Variants in PNPLA1 observed in about 807,000 individuals in gnomAD.
The protein encoded by PNPLA1 is omega-hydroxyceramide transacylase.
PNPLA1 carries 36 observed loss-of-function variants against 51.7 expected under a neutral mutation model. The observed-to-expected ratio is 0.70, with a 90% confidence interval of 0.53 to 0.92. The LOEUF (loss-of-function observed/expected upper bound fraction) is 0.92. Among genes scored for constraint, PNPLA1 ranks in the 40% least tolerant of loss-of-function variants. The pLI is 0.00. For missense variants in PNPLA1, 658 were observed against 682.5 expected, an observed-to-expected ratio of 0.96 and a Z score of 0.40; for synonymous variants, 293 against 280.1, an observed-to-expected ratio of 1.05 and a Z score of -0.46.
At chr6:36,309,051 G>C (rs899917583) in intron 8 of PNPLA1, among the ~76,000 whole-genome samples, 3 of 152,114 alleles carry the variant, frequency 2.0e-5, no homozygotes, top group Non-Finnish European at 2.9e-5. Context: ...CTTCCTGGTT[G>C]TTCTTGTCCC....
At chr6:36,307,775 A>G in intron 8 of PNPLA1, 63 bp downstream of exon 8, 1 of 1,592,816 alleles carries the variant, frequency 6.3e-7, no homozygotes, top group Non-Finnish European at 8.6e-7. Context: ...CTGTGTTCAG[A>G]GAGATTCCGA....
chr6:36,259,874 C>T (rs1171488829), intron 1 of PNPLA1, among the ~76,000 whole-genome samples: 1 of 152,104 alleles, frequency 6.6e-6, no homozygotes, highest in Non-Finnish European at 1.5e-5. Context: ...CTATTGAGTA[C>T]TATGCTTAGT....
Position 36,293,179 on chromosome 6 carries a change from C to G in PNPLA1, c.504+53C>G, listed in dbSNP as rs1214680508. The G allele has an allele frequency of 1.9e-6, 3 of 1,553,250 alleles. No homozygotes were observed. In the East Asian group the frequency reaches 6.7e-5, roughly 35 times the overall value. ...AGATGGGATCCAAGGGACCTCGGGT[C>G]CCTGTGACTCACACCTGGGGGAGCA... On this transcript the variant is annotated intron_variant, in intron 3 of 8. Coordinates refer to ENST00000636260, the MANE Select transcript of PNPLA1 (RefSeq NM_001374623.1).
At chr6:36,275,219 C>G (rs535977648) in intron 1 of PNPLA1, among the ~76,000 whole-genome samples, 4 of 152,228 alleles carry the variant, frequency 2.6e-5, no homozygotes, top group Admixed American at 1.3e-4. Flanking sequence ...GCTGGGACCA[C>G]AGGTGCATGC....
intron 6 of PNPLA1, among the ~76,000 whole-genome samples, chr6:36,305,662 GA>G (rs370038901): frequency 1.2e-4 from 18 of 151,588 alleles, no homozygotes; most frequent in Middle Eastern, 6.9e-3. Context: ...GCATGTGATG[GA>G]AAGTCCAGGC....
intron 5 of PNPLA1, among the ~76,000 whole-genome samples, chr6:36,300,178 T>TGTGAGAGA: frequency 3.1e-4 from 30 of 98,136 alleles, no homozygotes; most frequent in African/African-American, 9.3e-4. Flanking sequence ...TGTGTGTGTG[T>TGTGAGAGA]GAGAGAGAGA....
upstream of PNPLA1, among the ~76,000 whole-genome samples, chr6:36,268,609 T>C (rs1769819020): frequency 6.6e-6 from 1 of 152,170 alleles, no homozygotes; most frequent in Non-Finnish European, 1.5e-5. Context: ...CCTCAGATGT[T>C]CCAGCCCACA....
chr6:36,286,529 C>G (rs936970221), intron 1 of PNPLA1, among the ~76,000 whole-genome samples: 18 of 151,524 alleles, frequency 1.2e-4, no homozygotes, highest in African/African-American at 4.1e-4. Flanking sequence ...GTGGGAGGAT[C>G]CTTTGAGGAG....
At chr6:36,304,947 T>C (rs1292773927) in intron 6 of PNPLA1, among the ~76,000 whole-genome samples, 3 of 152,156 alleles carry the variant, frequency 2.0e-5, no homozygotes, top group African/African-American at 7.2e-5. Context: ...TATCCTGTAG[T>C]GCACAGAAGT....
chr6:36,273,900 G>T (rs997305266), intron 1 of PNPLA1, among the ~76,000 whole-genome samples: 1 of 152,036 alleles, frequency 6.6e-6, no homozygotes, highest in Non-Finnish European at 1.5e-5. Context: ...CAAGCAGTGG[G>T]GTGTAATCAA....
At chr6:36,282,237 A>AAGGAAGGAAG (rs1323005773) in intron 1 of PNPLA1, among the ~76,000 whole-genome samples, 3 of 32,094 alleles carry the variant, frequency 9.3e-5, no homozygotes, top group East Asian at 1.4e-3. Context: ...AAGGAAGGAA[A>AAGGAAGGAAG]GAAAGAAAGA....
rs573048836 is a variant in PNPLA1 at position 36,310,220 on chromosome 6, T to C, written c.1596-1543T>C. Reference sequence around the variant, plus strand: ...TTTAGGCTGCAGGCTGGGTTAAGTCTGCTCCAGGACCCTTTCATTCTAGGA... The same window carrying C: ...TTTAGGCTGCAGGCTGGGTTAAGTCCGCTCCAGGACCCTTTCATTCTAGGA... On this transcript the variant is annotated intron_variant, in intron 8 of 8. Coordinates refer to ENST00000636260, the MANE Select transcript of PNPLA1 (RefSeq NM_001374623.1). Among the ~76,000 whole-genome samples the C allele has an allele frequency of 3.9e-5, 6 of 152,354 alleles. No homozygotes were observed. The South Asian group carries it at 1.0e-3, about 26-fold the overall frequency.
intron 1 of PNPLA1, among the ~76,000 whole-genome samples, chr6:36,289,810 A>G (rs562640761): frequency 3.3e-5 from 5 of 150,518 alleles, no homozygotes; most frequent in Non-Finnish European, 7.4e-5. Context: ...AGCTTTTCTT[A>G]CTCACCTCCA....
rs76807831 is a variant in PNPLA1, at chr6:36,247,191, C to T, written c.-81+3930C>T. ...GCCACTGTCAAACCTCTTTCCGGCT[C>T]GTGCCTTGGAGCCATCGCCCCTCAG... On this transcript the variant is annotated intron_variant, in intron 1 of 7. Transcript: ENST00000312917. Among the ~76,000 whole-genome samples the T allele has an allele frequency of 3.6e-3, 549 of 152,200 alleles. 7 individuals are homozygous for T. The highest frequency in any genetic ancestry group is 0.035 in the East Asian group (182 of 5,162).
At chr6:36,266,338 G>GCAAT (rs1388760127), upstream of PNPLA1, among the ~76,000 whole-genome samples, 1 of 152,196 alleles carries the variant, frequency 6.6e-6, no homozygotes, top group Admixed American at 6.5e-5. Context: ...TCGTCATGAA[G>GCAAT]CAATGGGTAA....
chr6:36,265,988 C>T (rs1490112672), upstream of PNPLA1, among the ~76,000 whole-genome samples: 1 of 152,206 alleles, frequency 6.6e-6, no homozygotes, highest in Non-Finnish European at 1.5e-5. Context: ...CACTCTCCTT[C>T]CCTCATTCTC....
intron 8 of PNPLA1, chr6:36,308,655 C>T (rs1435135341): frequency 1.3e-5 from 2 of 152,144 alleles, no homozygotes; most frequent in Admixed American, 1.3e-4. Flanking sequence ...AAGACTAAAA[C>T]CTAAGAATCT....
At chr6:36,272,953 G>C (rs558501067) in intron 1 of PNPLA1, among the ~76,000 whole-genome samples, 1 of 152,134 alleles carries the variant, frequency 6.6e-6, no homozygotes, top group South Asian at 2.1e-4. Context: ...AAAGTGTATA[G>C]AGTAAAAGTA....
At chr6:36,251,381 A>G (rs1335496693) in intron 1 of PNPLA1, among the ~76,000 whole-genome samples, 4 of 152,154 alleles carry the variant, frequency 2.6e-5, no homozygotes, top group Admixed American at 6.5e-5. Flanking sequence ...ATATGTGTTG[A>G]GTGTGGTAAC....
Sources: allele counts gnomAD v4.1 joint callset (sites outside exome capture counted in the v4.1 genomes callset), GRCh38; gene constraint gnomAD v4.1.1; transcripts MANE v1.5; gene names NCBI Gene and HGNC (gene_info 2026-07-23, HGNC 2026-07-21).